HIPK3: variants seen among roughly 807,000 people sequenced by gnomAD.
The protein encoded by HIPK3 is homeodomain-interacting protein kinase 3.
In HIPK3, 47 loss-of-function variants were observed where a neutral mutation model predicts 124.2. The ratio of observed to expected loss-of-function variants is 0.38; its 90% CI spans 0.30 to 0.48. The LOEUF is 0.48. Ranked by LOEUF, HIPK3 falls within the 20% of genes least tolerant of loss-of-function variation. The probability of loss-of-function intolerance (pLI) is 0.98; values close to 1 mark genes in which losing one functional copy is unlikely to be tolerated. For missense variants in HIPK3, 1,286 were observed against 1,454.3 expected (o/e 0.88, Z 1.88); for synonymous variants, 482 against 515.2 (o/e 0.94, Z 0.87).
At chr11:33,299,811 G>A (rs1349091341) in intron 2 of HIPK3, among the ~76,000 whole-genome samples, 5 of 152,002 alleles carry the variant, frequency 3.3e-5, no homozygotes, top group African/African-American at 1.2e-4. Flanking sequence ...GGATCATGAA[G>A]TCAGGAGTTC....
rs768682504 is a variant in HIPK3, at chr11:33,286,325, C to G, written c.-2-88C>G. ...AATTTGACCCTTAAGAGTTTTCTTC[C>G]TGATATTTAAAATTGAAAAAAAAAT... On this transcript the variant is annotated intron_variant, in intron 1 of 16. Coordinates refer to ENST00000303296, the MANE Select transcript of HIPK3 (RefSeq NM_005734.5). 148 of 1,187,782 alleles carry G rather than the reference C, an allele frequency of 1.2e-4. 1 individual carries two copies. Among genetic ancestry groups the G allele is most frequent in the Non-Finnish European group, 1.5e-4 (136 of 892,436 alleles). 73.6% of individuals were successfully genotyped at this position (1,187,782 alleles called of 1,614,324 possible). A position where few individuals can be genotyped will look rare whatever the true frequency, so the allele number is the denominator to read the frequency against.
At chr11:33,298,332 A>G (rs146090612) in intron 2 of HIPK3, among the ~76,000 whole-genome samples, 86 of 152,376 alleles carry the variant, frequency 5.6e-4, no homozygotes, top group African/African-American at 1.9e-3. Flanking sequence ...AAATATTTCA[A>G]AATATTTATT....
chr11:33,306,550 T>C (rs1565076094), intron 2 of HIPK3, among the ~76,000 whole-genome samples: 3 of 152,204 alleles, frequency 2.0e-5, no homozygotes, highest in Admixed American at 2.0e-4. Context: ...ACTAATTATA[T>C]TTCCGTATTT....
intron 1 of HIPK3, chr11:33,258,199 G>GGGGCGGCC: frequency 1.6e-6 from 1 of 636,596 alleles, no homozygotes; most frequent in Non-Finnish European, 2.0e-6. Flanking sequence ...GGGCCCGGGG[G>GGGGCGGCC]CCTCGGCCCC....
At position 33,286,492 on chromosome 11, in the gene HIPK3, C is replaced by CA. The variant is rs867920128; in HGVS notation, c.81dup (p.Val28SerfsTer21). The CA allele has an allele frequency of 6.2e-7, 1 of 1,610,290 alleles. No individual in the cohort carries two copies. Among genetic ancestry groups the CA allele is most frequent in the Non-Finnish European group, 8.5e-7 (1 of 1,179,240 alleles). ...GTGCCTTTTGTAGTGTGAAGAAACTCAAAGTAGAGCCAAGCAGTTGTGTAT... is the reference window on the plus strand; with the variant it reads ...GTGCCTTTTGTAGTGTGAAGAAACTCAAAAGTAGAGCCAAGCAGTTGTGTAT... On this transcript the variant is annotated frameshift_variant, in exon 2 of 17. Coordinates refer to ENST00000303296, the MANE Select transcript of HIPK3 (RefSeq NM_005734.5). LOFTEE classifies it high-confidence loss of function.
chr11:33,318,262 T>C (rs972344980), intron 2 of HIPK3, among the ~76,000 whole-genome samples: 2 of 152,112 alleles, frequency 1.3e-5, no homozygotes, highest in Non-Finnish European at 2.9e-5. Flanking sequence ...GATGGGGGTC[T>C]CACTATGTTA....
chr11:33,258,169 C>A (rs995164885), intron 1 of HIPK3, among the ~76,000 whole-genome samples: 2 of 152,094 alleles, frequency 1.3e-5, no homozygotes, highest in Admixed American at 1.3e-4. Context: ...CCGTAGCCTC[C>A]GGGAAGCCGC....
intron 1 of HIPK3, among the ~76,000 whole-genome samples, chr11:33,276,894 G>C (rs1258785403): frequency 1.3e-5 from 2 of 151,806 alleles, no homozygotes; most frequent in Admixed American, 1.3e-4. Flanking sequence ...TAGTAGAGAC[G>C]GGGTTTCATC....
upstream of HIPK3, chr11:33,257,323 G>A: frequency 2.0e-6 from 2 of 984,012 alleles, no homozygotes; most frequent in Non-Finnish European, 2.4e-6. Flanking sequence ...CGGTGGCGCT[G>A]CGGAGGCGGT....
chr11:33,297,876 A>G (rs1590372018), intron 2 of HIPK3, among the ~76,000 whole-genome samples: 1 of 138,444 alleles, frequency 7.2e-6, no homozygotes, highest in Admixed American at 8.4e-5. Context: ...TGCAACCTCT[A>G]CCTGCCAGGT....
chr11:33,351,927 C>T, intron 15 of HIPK3, 84 bp downstream of exon 15: 1 of 1,205,392 alleles, frequency 8.3e-7, no homozygotes, highest in Non-Finnish European at 1.2e-6. Flanking sequence ...TTGCCAAAGT[C>T]ATCTCTGAAT....
intron 14 of HIPK3, 106 bp from the exon 15 acceptor site, chr11:33,351,502 T>C: frequency 1.4e-6 from 1 of 714,016 alleles, no homozygotes; most frequent in Admixed American, 2.8e-5. Flanking sequence ...ATATATAAAA[T>C]AACTGAATAA....
At position 33,351,726 on chromosome 11, in the gene HIPK3, A is replaced by G; in HGVS notation, c.2926A>G (p.Asn976Asp). The G allele has an allele frequency of 6.2e-7, 1 of 1,614,216 alleles. No individual in the cohort carries two copies. The highest frequency in any genetic ancestry group is 8.5e-7 in the Non-Finnish European group (1 of 1,180,032). Reference sequence around the variant, plus strand: ...CACTTTTGTGGAGGACACTCATGAAAACACAGAATTGGTATCCTCTGCTGA... The same window carrying G: ...CACTTTTGTGGAGGACACTCATGAAGACACAGAATTGGTATCCTCTGCTGA... ...ESTFVEDTHE[N>D]TELVSSADTE... The change falls in exon 15 of 17, where the codon AAC (asparagine) becomes GAC (aspartate). Residue 976 changes from asparagine to aspartate, a missense_variant. Physicochemically the swap from Asn to Asp is conservative, Grantham distance 23. Around this residue, in one of 3 missense-constraint regions of HIPK3, gnomAD observed 810 missense variants for 864.9 expected, o/e 0.94. Coordinates refer to ENST00000303296, the MANE Select transcript of HIPK3 (RefSeq NM_005734.5).
chr11:33,347,091 G>A (rs913449466), intron 8 of HIPK3, among the ~76,000 whole-genome samples: 2 of 151,884 alleles, frequency 1.3e-5, no homozygotes, highest in Non-Finnish European at 2.9e-5. Context: ...GTTGAGGTGG[G>A]AGGATCCACT....
chr11:33,347,225 A>G lies in HIPK3; in HGVS notation c.1898-68A>G, dbSNP rs1853520559. Reference sequence around the variant, plus strand: ...AGAATCTAAGCAATTCTTGACATTTAAAATAATTGTATAAGTTAAATAAGA... The same window carrying G: ...AGAATCTAAGCAATTCTTGACATTTGAAATAATTGTATAAGTTAAATAAGA... On this transcript the variant is annotated intron_variant, in intron 8 of 16. Transcript: ENST00000303296. 4 of 1,432,004 alleles carry G rather than the reference A, an allele frequency of 2.8e-6. No individual in the cohort carries two copies. The South Asian group carries it at 3.9e-5, about 14-fold the overall frequency. The allele number at this position is 1,432,004 out of a possible 1,614,324, so 88.7% of individuals were successfully genotyped here.
rs529993634 is a variant in HIPK3 at position 33,326,940 on chromosome 11, C to G, written c.1098-1570C>G. ...AAGCAATCCTACCATGTTGGCCTCC[C>G]AAAGTGCTGGGATTACAGGTGTGAG... On this transcript the variant is annotated intron_variant, in intron 2 of 16. Coordinates refer to ENST00000303296, the MANE Select transcript of HIPK3 (RefSeq NM_005734.5). Among the ~76,000 whole-genome samples the G allele has an allele frequency of 1.2e-4, 18 of 152,206 alleles. 1 individual carries two copies. The South Asian group carries it at 3.7e-3, about 32-fold the overall frequency.
intron 1 of HIPK3, among the ~76,000 whole-genome samples, chr11:33,265,106 T>C (rs1850918884): frequency 6.6e-6 from 1 of 152,260 alleles, no homozygotes; most frequent in African/African-American, 2.4e-5. Context: ...GCTCTAGGTA[T>C]GTAATTTATT....
intron 2 of HIPK3, among the ~76,000 whole-genome samples, chr11:33,327,509 G>A (rs1487687311): frequency 6.6e-6 from 1 of 152,152 alleles, no homozygotes; most frequent in African/African-American, 2.4e-5. Flanking sequence ...GACGGTATTA[G>A]TATAATTGGC....
intron 1 of HIPK3, among the ~76,000 whole-genome samples, chr11:33,285,719 A>C (rs886343091): frequency 3.3e-5 from 5 of 152,082 alleles, no homozygotes; most frequent in Non-Finnish European, 5.9e-5. Context: ...TGGTTCATAC[A>C]TTTGAATTTG....
Sources: gnomAD v4.1 joint callset for allele counts (sites outside exome capture counted in the v4.1 genomes callset) on GRCh38, gnomAD v4.1.1 for gene constraint, gnomAD v4.1.1 regional missense constraint, MANE v1.5 for transcripts, NCBI Gene and HGNC (gene_info 2026-07-23, HGNC 2026-07-21) for gene names.